RIF1: variants seen among roughly 807,000 people sequenced by gnomAD.
RIF1 encodes telomere-associated protein RIF1.
RIF1 carries 45 observed loss-of-function variants against 247.1 expected under a neutral mutation model. The observed-to-expected ratio is 0.18, with a 90% CI of 0.14 to 0.23. RIF1 has a LOEUF of 0.23. Among genes scored for constraint, RIF1 ranks in the 10% least tolerant of loss-of-function variants. The pLI, the probability that RIF1 is intolerant of heterozygous loss-of-function variation, is 1.00. For missense variants in RIF1, 2,967 were observed against 2,862.5 expected (o/e 1.04, Z -0.83); for synonymous variants, 1,087 against 978.8 (o/e 1.11, Z -2.06).
At chr2:151,510,585 G>GGA (rs571809291), downstream of RIF1, among the ~76,000 whole-genome samples, 3 of 152,036 alleles carry the variant, frequency 2.0e-5, no homozygotes, top group Admixed American at 6.5e-5. Context: ...ATATTCTGAG[G>GGA]GAGAGAGAGA....
intron 18 of RIF1, among the ~76,000 whole-genome samples, chr2:151,443,929 G>A (rs1010679916): frequency 1.3e-5 from 2 of 152,132 alleles, no homozygotes; most frequent in Non-Finnish European, 2.9e-5. Flanking sequence ...ATTTTCTTCA[G>A]TAGTGATTAT....
intron 9 of RIF1, among the ~76,000 whole-genome samples, chr2:151,430,949 C>A (rs1257752472): frequency 1.3e-5 from 2 of 152,190 alleles, no homozygotes; most frequent in Non-Finnish European, 2.9e-5. Flanking sequence ...CCACTGTGCT[C>A]ATTCTACTAC....
At chr2:151,495,931 G>T (rs2059877831) in intron 10 of RIF1, among the ~76,000 whole-genome samples, 1 of 152,120 alleles carries the variant, frequency 6.6e-6, no homozygotes. Context: ...AGCCGCATTG[G>T]ACCTACTCCA....
intron 31 of RIF1, 101 bp downstream of exon 31, chr2:151,468,247 C>T (rs1697257625): frequency 8.6e-7 from 1 of 1,169,452 alleles, no homozygotes; most frequent in Non-Finnish European, 1.2e-6. Context: ...AAACTTCTTC[C>T]TTGGTTTAAA....
At chr2:151,453,966 A>G (rs1694783718) in intron 21 of RIF1, among the ~76,000 whole-genome samples, 1 of 152,180 alleles carries the variant, frequency 6.6e-6, no homozygotes, top group South Asian at 2.1e-4. Flanking sequence ...CAATGTATTT[A>G]CAACTTGATC....
Position 151,433,242 on chromosome 2 carries a change from T to G in RIF1, c.1077+14T>G. 3 of 1,600,594 alleles carry G rather than the reference T, an allele frequency of 1.9e-6. No individual in the cohort carries two copies. The highest frequency in any genetic ancestry group is 1.7e-6 in the Non-Finnish European group (2 of 1,169,360). On this transcript the variant is annotated intron_variant, in intron 10 of 35. Coordinates refer to ENST00000444746, the MANE Select transcript of RIF1 (RefSeq NM_018151.5). ...AATTTTGAACAGGTAACATTACAAG[T>G]GTTGACTATAGCACTTTATGTTTTT...
downstream of RIF1, among the ~76,000 whole-genome samples, chr2:151,484,593 C>T (rs1244686378): frequency 6.6e-6 from 1 of 152,128 alleles, no homozygotes; most frequent in African/African-American, 2.4e-5. Context: ...GAGACTCTGT[C>T]TCCAAACAAA....
rs1003537594 is a variant in RIF1, at chr2:151,461,130, A to T, written c.3076-8A>T. On this transcript the variant is annotated splice_polypyrimidine_tract_variant and splice_region_variant and intron_variant, in intron 26 of 35. Coordinates refer to ENST00000444746, the MANE Select transcript of RIF1 (RefSeq NM_018151.5). ...AATGTACATTTGCTTATTTTTTCAA[A>T]TCTGCAGCTGAAACTTGAATCTTCG... The T allele has an allele frequency of 6.3e-7, 1 of 1,598,880 alleles. No homozygotes were observed. The highest frequency in any genetic ancestry group is 1.4e-5 in the African/African-American group (1 of 73,716).
chr2:151,530,437 T>C, the RIF1 span, among the ~76,000 whole-genome samples: 1 of 152,194 alleles, frequency 6.6e-6, no homozygotes, highest in Admixed American at 6.5e-5. Flanking sequence ...TCCTAGGTTT[T>C]AATGTGACTA....
intron 9 of RIF1, among the ~76,000 whole-genome samples, chr2:151,432,491 G>T (rs748700922): frequency 9.2e-5 from 14 of 152,098 alleles, no homozygotes; most frequent in Non-Finnish European, 1.8e-4. Context: ...AATCTATTTA[G>T]ATTTCAAAAA....
chr2:151,427,934 A>G (rs1252712963), intron 8 of RIF1, among the ~76,000 whole-genome samples: 1 of 152,028 alleles, frequency 6.6e-6, no homozygotes, highest in Non-Finnish European at 1.5e-5. Flanking sequence ...GCACGCACCT[A>G]TAATCCCAGC....
chr2:151,519,274 C>A, the RIF1 span, among the ~76,000 whole-genome samples: 1 of 152,120 alleles, frequency 6.6e-6, no homozygotes, highest in Non-Finnish European at 1.5e-5. Flanking sequence ...CATATACATA[C>A]AATGGAATAT....
intron 15 of RIF1, among the ~76,000 whole-genome samples, chr2:151,441,345 A>T (rs1046834062): frequency 6.6e-6 from 1 of 152,240 alleles, no homozygotes; most frequent in Admixed American, 6.5e-5. Flanking sequence ...GGGTACCAGT[A>T]TAATTAATTG....
chr2:151,523,958 C>G, the RIF1 span, among the ~76,000 whole-genome samples: 1 of 152,168 alleles, frequency 6.6e-6, no homozygotes, highest in Non-Finnish European at 1.5e-5. Context: ...CATGTTAAAT[C>G]TATCCCAGGT....
intron 23 of RIF1, among the ~76,000 whole-genome samples, chr2:151,457,116 T>C (rs1168727492): frequency 6.6e-6 from 1 of 151,952 alleles, no homozygotes; most frequent in African/African-American, 2.4e-5. Flanking sequence ...TTTAATACTT[T>C]AAATTCATGT....
intron 8 of RIF1, among the ~76,000 whole-genome samples, chr2:151,428,523 T>C (rs537378463): frequency 3.1e-4 from 47 of 152,220 alleles, no homozygotes; most frequent in Non-Finnish European, 5.6e-4. Context: ...TTGTACATTG[T>C]CTGCTTCTTC....
intron 13 of RIF1, among the ~76,000 whole-genome samples, chr2:151,437,909 A>G (rs996154195): frequency 2.0e-5 from 3 of 152,202 alleles, no homozygotes; most frequent in African/African-American, 4.8e-5. Context: ...TGGCTCTAGC[A>G]TCTGTGCCTA....
intron 10 of RIF1, 22 bp downstream of exon 10, chr2:151,433,250 A>G (rs1311418043): frequency 5.7e-6 from 9 of 1,572,914 alleles, no homozygotes; most frequent in African/African-American, 4.1e-5. Context: ...AGTGTTGACT[A>G]TAGCACTTTA....
chr2:151,493,404 A>G lies in RIF1; in HGVS notation c.*416-1825A>G, dbSNP rs775453998. On this transcript the variant is annotated intron_variant and NMD_transcript_variant, in intron 9 of 13. Transcript: ENST00000454583. ...TAGCTCTCTCCATCTCTGGAGTAAC[A>G]GGTGTCGGAGTTGCTTTTCTCATGT... The G allele has an allele frequency of 6.2e-7, 1 of 1,609,182 alleles. No individual in the cohort carries two copies. The highest frequency in any genetic ancestry group is 1.7e-5 in the Admixed American group (1 of 59,082).
Sources: allele counts gnomAD v4.1 joint callset (sites outside exome capture counted in the v4.1 genomes callset), GRCh38; gene constraint gnomAD v4.1.1; transcripts MANE v1.5; gene names NCBI Gene and HGNC (gene_info 2026-07-23, HGNC 2026-07-21).